Variants in ADCY2 observed in about 807,000 individuals in gnomAD.
ADCY2 encodes the protein adenylate cyclase 2.
A neutral mutation model predicts 125.2 loss-of-function variants in ADCY2; 31 were observed. The observed-to-expected ratio is 0.25, with a 90% CI of 0.19 to 0.33. The LOEUF (loss-of-function observed/expected upper bound fraction) is 0.33. Among genes scored for constraint, ADCY2 ranks in the 10% least tolerant of loss-of-function variants. The pLI, the probability that ADCY2 is intolerant of heterozygous loss-of-function variation, is 1.00. For missense variants in ADCY2, 904 were observed against 1,418.2 expected, an observed-to-expected ratio of 0.64 and a Z score of 5.82; for synonymous variants, 512 against 548.4, an observed-to-expected ratio of 0.93 and a Z score of 0.93.
chr5:7,674,320 C>T (rs769950948), intron 4 of ADCY2, among the ~76,000 whole-genome samples: 1 of 152,150 alleles, frequency 6.6e-6, no homozygotes, highest in Non-Finnish European at 1.5e-5. Flanking sequence ...GTGCAGTTTA[C>T]GTACTTAGTG....
intron 4 of ADCY2, among the ~76,000 whole-genome samples, chr5:7,631,706 CCCTCCATGACCATG>C: frequency 6.6e-6 from 1 of 152,184 alleles, no homozygotes; most frequent in Middle Eastern, 3.2e-3. Context: ...CCATCTTACT[CCCTCCATGACCATG>C]CTGAGGCATG....
Position 7,730,840 on chromosome 5 carries a change from G to A in ADCY2, c.1871+3579G>A, listed in dbSNP as rs868328502. Reference sequence around the variant, plus strand: ...TTTTTTGCTTGGGGGTCGGGGGGCGGTATTTTCACTATATTGTTTCCATAA... The same window carrying A: ...TTTTTTGCTTGGGGGTCGGGGGGCGATATTTTCACTATATTGTTTCCATAA... On this transcript the variant is annotated intron_variant, in intron 14 of 24. Coordinates refer to ENST00000338316, the MANE Select transcript of ADCY2 (RefSeq NM_020546.3). Among the ~76,000 whole-genome samples the A allele has an allele frequency of 2.8e-3, 59 of 20,844 alleles. No homozygotes were observed. The South Asian group carries it at 0.17, about 61-fold the overall frequency. 13.7% of individuals were successfully genotyped at this position (20,844 alleles called of 152,430 possible).
intron 3 of ADCY2, among the ~76,000 whole-genome samples, chr5:7,564,164 C>T (rs1164116343): frequency 2.6e-5 from 4 of 152,186 alleles, no homozygotes; most frequent in Non-Finnish European, 4.4e-5. Flanking sequence ...ACTTAGATAA[C>T]ACCTTTCCCC....
At chr5:7,767,644 T>C (rs570229244) in intron 17 of ADCY2, among the ~76,000 whole-genome samples, 5 of 152,326 alleles carry the variant, frequency 3.3e-5, no homozygotes, top group African/African-American at 1.2e-4. Flanking sequence ...TATTCCTCCT[T>C]CTCTGATTTG....
intron 1 of ADCY2, among the ~76,000 whole-genome samples, chr5:7,410,494 A>G (rs2126318695): frequency 6.6e-6 from 1 of 152,292 alleles, no homozygotes; most frequent in South Asian, 2.1e-4. Context: ...ATTACCGGAA[A>G]ATGCATGGAA....
In ADCY2 at chr5:7,726,438, A is replaced by C. The variant is rs185406565; in HGVS notation, c.1774-726A>C. ...TGCAGGGCACTGTGCTGAATGTGGC[A>C]GGGGTCATCATCAGCATCATAAGTA... On this transcript the variant is annotated intron_variant, in intron 13 of 24. Coordinates refer to ENST00000338316, the MANE Select transcript of ADCY2 (RefSeq NM_020546.3). Among the ~76,000 whole-genome samples, 12 of 152,310 alleles carry C rather than the reference A, an allele frequency of 7.9e-5. No homozygotes were observed. The Middle Eastern group carries it at 0.01, about 130-fold the overall frequency.
chr5:7,756,335 G>A (rs1355898927), intron 15 of ADCY2, among the ~76,000 whole-genome samples: 2 of 152,142 alleles, frequency 1.3e-5, no homozygotes, highest in African/African-American at 4.8e-5. Context: ...GCTGGCTGTC[G>A]TTCCCCAAAG....
intron 4 of ADCY2, 118 bp from the exon 5 acceptor site, chr5:7,690,573 T>C: frequency 1.1e-6 from 1 of 874,904 alleles, no homozygotes; most frequent in East Asian, 3.1e-5. Context: ...GTATTTTAGC[T>C]TCCAGGAAAG....
chr5:7,825,442 C>T (rs760647078), intron 24 of ADCY2, among the ~76,000 whole-genome samples: 11 of 152,248 alleles, frequency 7.2e-5, no homozygotes, highest in Non-Finnish European at 1.3e-4. Flanking sequence ...AGCTGCCCAG[C>T]CCTGTCACAC....
chr5:7,644,072 TTA>T (rs1332798385), intron 4 of ADCY2, among the ~76,000 whole-genome samples: 1 of 152,144 alleles, frequency 6.6e-6, no homozygotes, highest in African/African-American at 2.4e-5. Context: ...ACTAAAAAAG[TTA>T]TATTTTCTTA....
chr5:7,618,294 G>A (rs915688693), intron 3 of ADCY2, among the ~76,000 whole-genome samples: 2 of 152,152 alleles, frequency 1.3e-5, no homozygotes, highest in African/African-American at 4.8e-5. Flanking sequence ...GTCATAATCA[G>A]CGGGGCACTC....
intron 1 of ADCY2, among the ~76,000 whole-genome samples, chr5:7,405,843 A>G (rs1223563574): frequency 6.6e-6 from 1 of 152,160 alleles, no homozygotes; most frequent in African/African-American, 2.4e-5. Context: ...TGGTCACCCA[A>G]TATATAGTTT....
intron 2 of ADCY2, among the ~76,000 whole-genome samples, chr5:7,501,487 T>G (rs766744141): frequency 6.6e-6 from 1 of 152,174 alleles, no homozygotes; most frequent in Non-Finnish European, 1.5e-5. Flanking sequence ...CATTTTTAAA[T>G]GGTGTAATCT....
Position 7,651,888 on chromosome 5 carries a change from C to T in ADCY2, c.720+25572C>T, listed in dbSNP as rs369843686. On this transcript the variant is annotated intron_variant, in intron 4 of 24. Transcript: ENST00000338316. ...CATGATTCCGGCTCACTGTAACCTG[C>T]GCCTCCTGGGTTCAAGCGATTCTCC... is the stretch of plus-strand genomic sequence containing the variant. 3.1e-4 allele frequency among the ~76,000 whole-genome samples: 47 copies of T among 152,130 alleles called. 1 individual carries two copies. The East Asian group carries it at 6.2e-3, about 20-fold the overall frequency.
Position 7,445,503 on chromosome 5 carries a change from C to A in ADCY2, c.408+30733C>A, listed in dbSNP as rs777224250. ...TACACATTTTATAATGGACTTCCTACCCTCAGAAAAAAATTAAAACATGTA... is the reference window on the plus strand; with the variant it reads ...TACACATTTTATAATGGACTTCCTAACCTCAGAAAAAAATTAAAACATGTA... On this transcript the variant is annotated intron_variant, in intron 2 of 24. Coordinates refer to ENST00000338316, the MANE Select transcript of ADCY2 (RefSeq NM_020546.3). Among the ~76,000 whole-genome samples, 285 of 152,232 alleles carry A rather than the reference C, an allele frequency of 1.9e-3. 2 individuals carry two copies. The highest frequency in any genetic ancestry group is 8.1e-3 in the South Asian group (39 of 4,828).
chr5:7,634,068 T>C (rs1244787689), intron 4 of ADCY2, among the ~76,000 whole-genome samples: 3 of 152,240 alleles, frequency 2.0e-5, no homozygotes, highest in Non-Finnish European at 4.4e-5. Context: ...ATTGCCATCA[T>C]ATTTTTCTTC....
rs1739052354 is a variant in ADCY2 at position 7,396,593 on chromosome 5, T to TGCCCCTCGACCCGCGGCA, written c.210+95_210+96insACCCGCGGCAGCCCCTCG. 1 of 1,010,260 alleles carries TGCCCCTCGACCCGCGGCA rather than the reference T, an allele frequency of 9.9e-7. No individual in the cohort carries two copies. Among genetic ancestry groups the TGCCCCTCGACCCGCGGCA allele is most frequent in the African/African-American group, 1.8e-5 (1 of 54,858 alleles). The allele number at this position is 1,010,260 out of a possible 1,614,324, so 62.6% of individuals were successfully genotyped here. ...AGCCGAGCCGCGTCCCGCTCCGGGCTGCCCCTCGGCCCGCGGCAGCCCCTC... is the reference window on the plus strand; with the variant it reads ...AGCCGAGCCGCGTCCCGCTCCGGGCTGCCCCTCGACCCGCGGCAGCCCCTCGGCCCGCGGCAGCCCCTC... On this transcript the variant is annotated intron_variant, in intron 1 of 24. Transcript: ENST00000338316. This position sits in a 1 kb window ranked among gnomAD's most constrained non-coding sequence, Gnocchi z 5.7.
intron 4 of ADCY2, among the ~76,000 whole-genome samples, chr5:7,680,835 G>A (rs960298737): frequency 2.0e-5 from 3 of 152,158 alleles, no homozygotes; most frequent in African/African-American, 7.2e-5. Flanking sequence ...TATTTGATGT[G>A]ATTTCCTCCA....
intron 4 of ADCY2, among the ~76,000 whole-genome samples, chr5:7,642,654 C>A (rs2126675073): frequency 6.6e-6 from 1 of 152,110 alleles, no homozygotes; most frequent in African/African-American, 2.4e-5. Context: ...ATCACCAATG[C>A]ATATAGTCAC....
Sources: gnomAD v4.1 joint callset for allele counts (sites outside exome capture counted in the v4.1 genomes callset) on GRCh38, gnomAD v4.1.1 for gene constraint, Gnocchi (gnomAD v3.1) non-coding constraint, MANE v1.5 for transcripts, NCBI Gene and HGNC (gene_info 2026-07-23, HGNC 2026-07-21) for gene names.